The following STIM2 variants were observed in gnomAD, a reference collection of about 807,000 sequenced individuals.
STIM2 encodes the protein stromal interaction molecule 2.
A neutral mutation model predicts 85.8 loss-of-function variants in STIM2; 31 were observed. The observed-to-expected ratio is 0.36, with a 90% CI of 0.27 to 0.49. STIM2 has a LOEUF of 0.49. Ranked by LOEUF, STIM2 falls within the 20% of genes least tolerant of loss-of-function variation. The probability of loss-of-function intolerance (pLI) is 0.98; values close to 1 mark genes in which losing one functional copy is unlikely to be tolerated. For missense variants in STIM2, 841 were observed against 927.6 expected, an observed-to-expected ratio of 0.91 and a Z score of 1.21; for synonymous variants, 356 against 331.1, an observed-to-expected ratio of 1.08 and a Z score of -0.82.
chr4:27,022,459 G>T, intron 11 of STIM2, 60 bp from the exon 12 acceptor site: 1 of 1,341,194 alleles, frequency 7.5e-7, no homozygotes, highest in Non-Finnish European at 1.0e-6. Context: ...TAGAATGTCT[G>T]CTAGTACTCT....
intron 10 of STIM2, among the ~76,000 whole-genome samples, chr4:27,011,678 T>C (rs1317368683): frequency 6.6e-6 from 1 of 152,218 alleles, no homozygotes; most frequent in South Asian, 2.1e-4. Context: ...CTCACAATTA[T>C]GAAAATTTTT....
At chr4:26,903,400 G>A (rs561620820) in intron 1 of STIM2, among the ~76,000 whole-genome samples, 1 of 152,162 alleles carries the variant, frequency 6.6e-6, no homozygotes, top group South Asian at 2.1e-4. Flanking sequence ...CTAGCTGAAC[G>A]GTTTTGTTAT....
At chr4:26,936,783 C>T (rs1252575018) in intron 2 of STIM2, among the ~76,000 whole-genome samples, 1 of 152,092 alleles carries the variant, frequency 6.6e-6, no homozygotes, top group Non-Finnish European at 1.5e-5. Flanking sequence ...AACATTCAAC[C>T]CAGTGCCTTT....
chr4:26,999,845 A>G (rs1201712928), intron 5 of STIM2, among the ~76,000 whole-genome samples: 1 of 152,228 alleles, frequency 6.6e-6, no homozygotes, highest in Admixed American at 6.5e-5. Context: ...CAAGAAGTAG[A>G]AAATGTTATT....
At chr4:26,928,441 A>G (rs1433364171) in intron 2 of STIM2, among the ~76,000 whole-genome samples, 3 of 152,218 alleles carry the variant, frequency 2.0e-5, no homozygotes, top group African/African-American at 7.2e-5. Context: ...TTTTGCAGAT[A>G]TTTGACAGCC....
chr4:26,897,113 T>G (rs1279078150), intron 1 of STIM2, among the ~76,000 whole-genome samples: 1 of 152,232 alleles, frequency 6.6e-6, no homozygotes. Context: ...GAAGTCCATT[T>G]GAGTTGTTTT....
chr4:26,887,341 C>T (rs1053291339), intron 1 of STIM2, among the ~76,000 whole-genome samples: 1 of 151,854 alleles, frequency 6.6e-6, no homozygotes, highest in Admixed American at 6.6e-5. Context: ...AAGATCACAC[C>T]GTGCTGTTAC....
At chr4:26,865,395 A>G (rs1722366752) in intron 1 of STIM2, among the ~76,000 whole-genome samples, 1 of 152,170 alleles carries the variant, frequency 6.6e-6, no homozygotes, top group Non-Finnish European at 1.5e-5. Context: ...CCAGTTAGAA[A>G]AGTGGATCCA....
intron 1 of STIM2, among the ~76,000 whole-genome samples, chr4:26,879,942 A>G (rs1187999824): frequency 6.6e-6 from 1 of 152,158 alleles, no homozygotes; most frequent in Admixed American, 6.5e-5. Context: ...GGTCTGGGCT[A>G]CCATTCCCTC....
intron 3 of STIM2, among the ~76,000 whole-genome samples, chr4:26,993,229 G>A (rs1727826846): frequency 6.6e-6 from 1 of 152,098 alleles, no homozygotes; most frequent in South Asian, 2.1e-4. Flanking sequence ...TACTTTGAAT[G>A]CACTAAATTC....
chr4:27,002,254 A>G lies in STIM2; in HGVS notation c.663A>G (p.Thr221=), dbSNP rs769634910. 2.5e-6 allele frequency: 4 copies of G among 1,611,498 alleles called. No individual in the cohort carries two copies. The highest frequency in any genetic ancestry group is 3.4e-6 in the Non-Finnish European group (4 of 1,179,304). The change falls in exon 6 of 12, where the codon ACA becomes ACG. Residue 221 remains threonine, a synonymous_variant. Coordinates refer to ENST00000467087, the MANE Select transcript of STIM2 (RefSeq NM_020860.4). ...ACTGGATGAAAGATTTTATCCTCAC[A>G]GTTTCTATAGTAATTGGTGTTGGAG...
intron 1 of STIM2, among the ~76,000 whole-genome samples, chr4:26,893,949 C>T (rs1251546035): frequency 6.6e-6 from 1 of 151,994 alleles, no homozygotes; most frequent in Admixed American, 6.6e-5. Context: ...AGTGCAGTGG[C>T]GTGATCTCAG....
intron 2 of STIM2, among the ~76,000 whole-genome samples, chr4:26,937,051 G>C (rs1725419405): frequency 6.6e-6 from 1 of 152,082 alleles, no homozygotes; most frequent in Non-Finnish European, 1.5e-5. Flanking sequence ...ACCTCTCAAA[G>C]TGTTAGAATT....
At chr4:26,942,315 T>A (rs1725640022) in intron 2 of STIM2, among the ~76,000 whole-genome samples, 1 of 152,168 alleles carries the variant, frequency 6.6e-6, no homozygotes, top group South Asian at 2.1e-4. Flanking sequence ...TTTTCTCTCC[T>A]CAGCAACCAT....
chr4:27,022,637 G>C lies in STIM2; in HGVS notation c.1882G>C (p.Asp628His). Residue 628 changes from aspartate to histidine, a missense_variant, in exon 12 of 12, where the codon GAT becomes CAT. By Grantham distance (81) the Asp-to-His change is moderately conservative (BLOSUM62 -1). Transcript: ENST00000467087. Reference sequence around the variant, plus strand: ...ATTATCTCCGCGAAAGATATCAAGAGATGAGGTGTCCCTAGAGGATTCCTC... The same window carrying C: ...ATTATCTCCGCGAAAGATATCAAGACATGAGGTGTCCCTAGAGGATTCCTC... 3 of 1,614,208 alleles carry C rather than the reference G, an allele frequency of 1.9e-6. No homozygotes were observed. The South Asian group carries it at 3.3e-5, about 18-fold the overall frequency.
intron 1 of STIM2, among the ~76,000 whole-genome samples, chr4:26,876,909 T>C (rs1480602570): frequency 2.0e-5 from 3 of 152,190 alleles, no homozygotes; most frequent in African/African-American, 4.8e-5. Flanking sequence ...CTGTTACATA[T>C]ATACTTTCCA....
At chr4:27,014,384 T>C (rs1728664078) in intron 10 of STIM2, among the ~76,000 whole-genome samples, 2 of 152,032 alleles carry the variant, frequency 1.3e-5, no homozygotes, top group South Asian at 4.1e-4. Context: ...GATCATCAAA[T>C]ATTAAAAGGT....
intron 10 of STIM2, among the ~76,000 whole-genome samples, chr4:27,015,898 T>C (rs1428903785): frequency 6.6e-6 from 1 of 152,062 alleles, no homozygotes; most frequent in Non-Finnish European, 1.5e-5. Context: ...AATATTGTTT[T>C]TTCTTCATGC....
intron 1 of STIM2, among the ~76,000 whole-genome samples, chr4:26,895,716 G>A (rs1048560658): frequency 2.0e-5 from 3 of 152,176 alleles, no homozygotes; most frequent in Admixed American, 1.3e-4. Context: ...TTGTTCTCAT[G>A]AAACATTCAG....
Sources: gnomAD v4.1 joint callset for allele counts (sites outside exome capture counted in the v4.1 genomes callset) on GRCh38, gnomAD v4.1.1 for gene constraint, MANE v1.5 for transcripts, NCBI Gene and HGNC (gene_info 2026-07-23, HGNC 2026-07-21) for gene names.